GTF2A1L: variants seen among roughly 807,000 people sequenced by gnomAD.
GTF2A1L encodes the protein TFIIA-alpha and beta-like factor.
GTF2A1L carries 48 observed loss-of-function variants against 49.7 expected under a neutral mutation model. The ratio of observed to expected loss-of-function variants is 0.97; its 90% CI spans 0.77 to 1.23. GTF2A1L has a LOEUF of 1.23. Among genes scored for constraint, GTF2A1L ranks in the 50% most tolerant of loss-of-function variants. The probability of loss-of-function intolerance (pLI) is 0.00; values close to 1 mark genes in which losing one functional copy is unlikely to be tolerated. For missense variants in GTF2A1L, 736 were observed against 564.8 expected (o/e 1.30, Z -3.07); for synonymous variants, 246 against 193.5 (o/e 1.27, Z -2.25).
At chr2:48,670,660 T>G (rs1401226875) in intron 7 of GTF2A1L, among the ~76,000 whole-genome samples, 3 of 152,206 alleles carry the variant, frequency 2.0e-5, no homozygotes, top group Non-Finnish European at 2.9e-5. Flanking sequence ...CTTATATATG[T>G]GCCAGGCATC....
chr2:48,666,584 G>GGTGTGTGT (rs113492704), intron 6 of GTF2A1L, among the ~76,000 whole-genome samples: 16 of 147,138 alleles, frequency 1.1e-4, no homozygotes, highest in South Asian at 2.2e-4. Context: ...AACTTGTCAG[G>GGTGTGTGT]GTGTGTGTGT....
chr2:48,669,934 C>T lies in GTF2A1L; in HGVS notation c.1191C>T (p.Ala397=). The part of the protein sequence containing the change: ...EADSISNEDS[A]TNSSDNEDPQ... ...ACAGTATTTCAAATGAGGATTCAGC[C>T]ACAAACAGTAGTGATAATGAAGACC... Residue 397 remains alanine (A), a synonymous_variant, in exon 7 of 9, where the codon GCC becomes GCT. Coordinates refer to ENST00000403751, the MANE Select transcript of GTF2A1L (RefSeq NM_006872.5). 1 of 1,613,956 alleles carries T rather than the reference C, an allele frequency of 6.2e-7. No individual in the cohort carries two copies. The highest frequency in any genetic ancestry group is 8.5e-7 in the Non-Finnish European group (1 of 1,179,976).
Position 48,672,246 on chromosome 2 carries a change from A to T in GTF2A1L, c.1329+566A>T, listed in dbSNP as rs369232846. Among the ~76,000 whole-genome samples, 48 of 152,324 alleles carry T rather than the reference A, an allele frequency of 3.2e-4. No individual in the cohort carries two copies. In the South Asian group the frequency reaches 7.2e-3, roughly 23 times the overall value. ...CAATAAAAAGCAGAGAAATGAATGGATGTAGTATGTACAAGGGACACTGAA... is the reference window on the plus strand; with the variant it reads ...CAATAAAAAGCAGAGAAATGAATGGTTGTAGTATGTACAAGGGACACTGAA... On this transcript the variant is annotated intron_variant, in intron 8 of 8. Transcript: ENST00000403751.
intron 3 of GTF2A1L, among the ~76,000 whole-genome samples, chr2:48,626,335 C>T (rs1033938752): frequency 7.0e-6 from 1 of 143,286 alleles, no homozygotes; most frequent in East Asian, 2.0e-4. Flanking sequence ...TTTTCTTCCC[C>T]TCTGAATTGC....
chr2:48,674,345 G>C (rs762318190), intron 8 of GTF2A1L, among the ~76,000 whole-genome samples: 7 of 151,780 alleles, frequency 4.6e-5, no homozygotes, highest in Non-Finnish European at 8.8e-5. Context: ...GTGTTTCCCT[G>C]ATAACTAATG....
intron 5 of GTF2A1L, among the ~76,000 whole-genome samples, chr2:48,646,198 A>T (rs1219259492): frequency 6.6e-6 from 1 of 152,080 alleles, no homozygotes; most frequent in African/African-American, 2.4e-5. Context: ...AAAGTGTGCC[A>T]TAAAAGCAAT....
intron 8 of GTF2A1L, 152 bp from the exon 9 acceptor site, chr2:48,679,183 T>A: frequency 1.0e-6 from 1 of 980,190 alleles, no homozygotes; most frequent in Non-Finnish European, 1.4e-6. Context: ...GGAACTCAAA[T>A]GTTTATGGAA....
chr2:48,652,021 CAT>C (rs1209455688), intron 6 of GTF2A1L, among the ~76,000 whole-genome samples: 3 of 152,094 alleles, frequency 2.0e-5, no homozygotes, highest in African/African-American at 7.2e-5. Context: ...GTCAGATAAT[CAT>C]GTGAATTTTT....
intron 4 of GTF2A1L, among the ~76,000 whole-genome samples, chr2:48,644,672 A>G (rs1572726989): frequency 1.3e-5 from 2 of 152,318 alleles, no homozygotes; most frequent in South Asian, 4.1e-4. Context: ...GAGAGAACCA[A>G]TTTTTATCAC....
intron 8 of GTF2A1L, among the ~76,000 whole-genome samples, chr2:48,678,571 C>G (rs993066999): frequency 1.3e-5 from 2 of 151,982 alleles, no homozygotes; most frequent in Non-Finnish European, 2.9e-5. Flanking sequence ...TTGCAGTTTA[C>G]TTAGAGGTAG....
chr2:48,677,364 G>C (rs1409868098), intron 8 of GTF2A1L, among the ~76,000 whole-genome samples: 1 of 151,912 alleles, frequency 6.6e-6, no homozygotes, highest in East Asian at 1.9e-4. Flanking sequence ...ATGTAATAGG[G>C]TAAAGATCAG....
chr2:48,646,651 A>C lies in GTF2A1L; in HGVS notation c.587A>C (p.Gln196Pro), dbSNP rs1677527254. Residue 196 changes from glutamine (Q) to proline (P), a missense_variant, in exon 6 of 9, where the codon CAA becomes CCA. Coordinates refer to ENST00000403751, the MANE Select transcript of GTF2A1L (RefSeq NM_006872.5). ...KSQRIETVLQ[Q>P]PAILPSGPVD... ...CAGAGAATTGAAACCGTGCTACAGCAACCCGCAATTCTACCTTCTGGGCCA... is the reference window on the plus strand; with the variant it reads ...CAGAGAATTGAAACCGTGCTACAGCCACCCGCAATTCTACCTTCTGGGCCA... 2.5e-6 allele frequency: 4 copies of C among 1,614,082 alleles called. No individual in the cohort carries two copies. The Admixed American group carries it at 6.7e-5, about 27-fold the overall frequency.
At chr2:48,620,566 C>T (rs941159888) in intron 1 of GTF2A1L, among the ~76,000 whole-genome samples, 6 of 151,924 alleles carry the variant, frequency 3.9e-5, no homozygotes, top group Non-Finnish European at 7.4e-5. Context: ...GATCACGAGG[C>T]CAGGAGTTCG....
intron 3 of GTF2A1L, among the ~76,000 whole-genome samples, chr2:48,641,365 G>A (rs1056033131): frequency 3.3e-5 from 5 of 152,122 alleles, no homozygotes; most frequent in African/African-American, 7.2e-5. Flanking sequence ...TTGTCTTAAC[G>A]TGGAAGGAAT....
intron 6 of GTF2A1L, among the ~76,000 whole-genome samples, chr2:48,666,268 C>T (rs770225531): frequency 5.9e-5 from 9 of 151,362 alleles, no homozygotes; most frequent in Non-Finnish European, 1.0e-4. Context: ...TGCAGTGGCG[C>T]GATCTCAGCT....
chr2:48,622,057 C>T (rs1032579727), intron 3 of GTF2A1L, among the ~76,000 whole-genome samples: 1 of 152,144 alleles, frequency 6.6e-6, no homozygotes, highest in African/African-American at 2.4e-5. Context: ...GCAGAGTAGT[C>T]TGCAAGAAGT....
intron 3 of GTF2A1L, among the ~76,000 whole-genome samples, chr2:48,629,108 G>C (rs985705451): frequency 1.4e-5 from 2 of 142,932 alleles, no homozygotes; most frequent in African/African-American, 5.0e-5. Flanking sequence ...AGGCTTGGTG[G>C]TGCGTGCCTG....
intron 6 of GTF2A1L, among the ~76,000 whole-genome samples, chr2:48,667,352 T>C (rs1184889137): frequency 6.6e-6 from 1 of 152,294 alleles, no homozygotes; most frequent in East Asian, 1.9e-4. Context: ...ACTCTTCTTA[T>C]AGAGAGATAT....
At chr2:48,645,442 G>C (rs1309121420) in intron 5 of GTF2A1L, among the ~76,000 whole-genome samples, 4 of 152,006 alleles carry the variant, frequency 2.6e-5, no homozygotes, top group Non-Finnish European at 5.9e-5. Flanking sequence ...CTGCATTCCT[G>C]CTAGCTCTAA....
Sources: allele counts gnomAD v4.1 joint callset (sites outside exome capture counted in the v4.1 genomes callset), GRCh38; gene constraint gnomAD v4.1.1; transcripts MANE v1.5; gene names NCBI Gene and HGNC (gene_info 2026-07-23, HGNC 2026-07-21).